Variants in RGS5 observed in about 807,000 individuals in gnomAD.
The protein encoded by RGS5 is regulator of G protein signaling 5, also known as regulator of G-protein signalling 5.
Under a neutral mutation model 18.9 loss-of-function variants are expected in RGS5, and 20 were observed. That is an observed-to-expected ratio of 1.06 (90% CI 0.74 to 1.54). The LOEUF (loss-of-function observed/expected upper bound fraction) is 1.54, where lower values mean the gene tolerates loss of function less well. RGS5 is among the 40% of genes most tolerant of loss of function. The probability of loss-of-function intolerance (pLI) is 0.00; values close to 1 mark genes in which losing one functional copy is unlikely to be tolerated. For synonymous variants in RGS5, 57 were observed against 76.2 expected (o/e 0.75, Z 1.31); for missense variants, 201 against 211.8 (o/e 0.95, Z 0.32).
At chr1:163,210,501 A>C (rs1660079499) in intron 1 of RGS5, among the ~76,000 whole-genome samples, 1 of 152,158 alleles carries the variant, frequency 6.6e-6, no homozygotes, top group African/African-American at 2.4e-5. Context: ...ACTTTTTAGG[A>C]GGCAGTAGAA....
chr1:163,187,021 C>T (rs1400955658), intron 1 of RGS5, among the ~76,000 whole-genome samples: 5 of 152,170 alleles, frequency 3.3e-5, no homozygotes, highest in South Asian at 2.1e-4. Flanking sequence ...TTCATGCTCT[C>T]GAGCCAGTAT....
At chr1:163,310,852 G>A (rs901060447) in intron 1 of RGS5, among the ~76,000 whole-genome samples, 1 of 152,148 alleles carries the variant, frequency 6.6e-6, no homozygotes. Context: ...GGAGGCCTCA[G>A]GAAACTTACA....
intron 2 of RGS5, among the ~76,000 whole-genome samples, chr1:163,288,050 CG>C: frequency 6.6e-6 from 1 of 151,852 alleles, no homozygotes; most frequent in East Asian, 1.9e-4. Context: ...AGCCAGAAAA[CG>C]TATTAATTTT....
chr1:163,206,311 T>G (rs552811231), upstream of RGS5, among the ~76,000 whole-genome samples: 30 of 152,192 alleles, frequency 2.0e-4, no homozygotes, highest in African/African-American at 7.0e-4. Context: ...CTCAGGTATT[T>G]TGTTATAACA....
At chr1:163,238,653 G>T in intron 2 of RGS5, 1 of 267,508 alleles carries the variant, frequency 3.7e-6, no homozygotes, top group South Asian at 7.9e-5. Context: ...ATGAGGATTT[G>T]GGTGGAACTG....
upstream of RGS5, among the ~76,000 whole-genome samples, chr1:163,220,739 T>G (rs935807275): frequency 6.6e-6 from 1 of 152,104 alleles, no homozygotes; most frequent in African/African-American, 2.4e-5. Context: ...AATAAGAATC[T>G]TGAGATGGGG....
chr1:163,163,319 G>C (rs572544175), intron 2 of RGS5, among the ~76,000 whole-genome samples: 10 of 152,142 alleles, frequency 6.6e-5, no homozygotes, highest in African/African-American at 2.4e-4. Context: ...CCAAATTGAG[G>C]GTAACAAACC....
rs1244833195 is a variant in RGS5 at position 163,143,475 on chromosome 1, T to A, written c.*3867A>T. The A allele has an allele frequency of 3.9e-5, 6 of 152,160 alleles. 1 individual carries two copies. The allele number at this position is 152,160 out of a possible 1,614,324, so 9.4% of individuals were successfully genotyped here. A position where few individuals can be genotyped will look rare whatever the true frequency, so the allele number is the denominator to read the frequency against. ...TTCTAGTCAAGGCTTTCTAGGATGA[T>A]AAAATAAAATTTTACATCTAGCTGC... On this transcript the variant is annotated 3_prime_UTR_variant, in exon 5 of 5. Transcript: ENST00000313961.
chr1:163,273,253 T>C (rs1288212856), intron 2 of RGS5, among the ~76,000 whole-genome samples: 2 of 152,136 alleles, frequency 1.3e-5, no homozygotes. Flanking sequence ...TATATTAAGT[T>C]GGTTGATAGC....
intron 1 of RGS5, among the ~76,000 whole-genome samples, chr1:163,320,720 T>C (rs948274084): frequency 6.6e-6 from 1 of 152,212 alleles, no homozygotes; most frequent in Non-Finnish European, 1.5e-5. Context: ...CTTTGAGACT[T>C]ACATCAGTAA....
rs66595263 is a variant in RGS5 at position 163,290,653 on chromosome 1, CAAA to C, written c.-281+15577_-281+15579del. ...TCCAGAAGACATGTGCAGCTCATAC[CAAA>C]AAAAAAAAAAAAAATGAATATTTCA... On this transcript the variant is annotated intron_variant, in intron 2 of 5. Transcript: ENST00000618415. Among the ~76,000 whole-genome samples, 418 of 128,662 alleles carry C rather than the reference CAAA, an allele frequency of 3.2e-3. 4 individuals are homozygous for C. The highest frequency in any genetic ancestry group is 0.011 in the African/African-American group (386 of 35,740). 84.4% of individuals were successfully genotyped at this position (128,662 alleles called of 152,430 possible).
intron 2 of RGS5, among the ~76,000 whole-genome samples, chr1:163,262,134 C>T (rs535283686): frequency 1.4e-5 from 2 of 146,898 alleles, no homozygotes; most frequent in Admixed American, 6.8e-5. Context: ...AAGAGCTGAT[C>T]ACACTGAGTT....
intron 2 of RGS5, among the ~76,000 whole-genome samples, chr1:163,228,922 A>G (rs958160840): frequency 6.6e-6 from 1 of 152,130 alleles, no homozygotes; most frequent in Non-Finnish European, 1.5e-5. Context: ...CTCAGCCTGG[A>G]CCTTATTGTC....
intron 1 of RGS5, among the ~76,000 whole-genome samples, chr1:163,179,616 TAGTC>T (rs1373753299): frequency 2.0e-5 from 3 of 152,190 alleles, no homozygotes; most frequent in Admixed American, 6.5e-5. Context: ...ATTATCAACT[TAGTC>T]AGTACTTTTA....
chr1:163,307,979 A>T (rs1015603869), intron 1 of RGS5, among the ~76,000 whole-genome samples: 1 of 152,210 alleles, frequency 6.6e-6, no homozygotes, highest in Non-Finnish European at 1.5e-5. Flanking sequence ...CTAGGATAGC[A>T]GTTGTTCTTA....
chr1:163,192,461 C>T (rs1454416354), intron 1 of RGS5, among the ~76,000 whole-genome samples: 1 of 151,800 alleles, frequency 6.6e-6, no homozygotes, highest in Non-Finnish European at 1.5e-5. Context: ...GTATAAAATC[C>T]AAACTATGGA....
intron 1 of RGS5, among the ~76,000 whole-genome samples, chr1:163,314,955 C>T (rs749603952): frequency 2.6e-5 from 4 of 152,170 alleles, no homozygotes; most frequent in Non-Finnish European, 4.4e-5. Flanking sequence ...TTAAGGTACC[C>T]AGTTTGTGGC....
chr1:163,302,839 GTTC>G (rs1272308240), intron 2 of RGS5, among the ~76,000 whole-genome samples: 31 of 152,172 alleles, frequency 2.0e-4, no homozygotes, highest in Admixed American at 2.0e-3. Context: ...GCCAGCTCAA[GTTC>G]TTCTCTTGCT....
intron 2 of RGS5, among the ~76,000 whole-genome samples, chr1:163,303,685 C>T (rs1249525981): frequency 1.3e-5 from 2 of 152,178 alleles, no homozygotes; most frequent in Admixed American, 1.3e-4. Flanking sequence ...CCCCCAGCTG[C>T]AGACAGGTAC....
Sources: gnomAD v4.1 joint callset for allele counts (sites outside exome capture counted in the v4.1 genomes callset) on GRCh38, gnomAD v4.1.1 for gene constraint, MANE v1.5 for transcripts, NCBI Gene and HGNC (gene_info 2026-07-23, HGNC 2026-07-21) for gene names.